NEGR1: variants seen among roughly 807,000 people sequenced by gnomAD.
NEGR1 encodes the protein neuronal growth regulator 1, also known as IgLON family member 4.
A neutral mutation model predicts 40.9 loss-of-function variants in NEGR1; 10 were observed. The ratio of observed to expected loss-of-function variants is 0.24; its 90% CI spans 0.15 to 0.42. The LOEUF is 0.42. Ranked by LOEUF, NEGR1 falls within the 10% of genes least tolerant of loss-of-function variation. The pLI, the probability that NEGR1 is intolerant of heterozygous loss-of-function variation, is 1.00. For missense variants in NEGR1, 352 were observed against 438.9 expected (o/e 0.80, Z 1.77); for synonymous variants, 185 against 166.8 (o/e 1.11, Z -0.84).
intron 6 of NEGR1, among the ~76,000 whole-genome samples, chr1:71,459,937 T>C (rs555471539): frequency 5.8e-4 from 88 of 152,190 alleles, no homozygotes; most frequent in Non-Finnish European, 9.3e-4. Flanking sequence ...CACAGTACCA[T>C]GTATTTATTC....
chr1:72,226,550 C>A (rs572559284), intron 1 of NEGR1, among the ~76,000 whole-genome samples: 26 of 151,970 alleles, frequency 1.7e-4, no homozygotes, highest in Non-Finnish European at 3.2e-4. Flanking sequence ...GGAGAACTTA[C>A]ATTTGACTTC....
At chr1:71,920,362 CT>C (rs986377995) in intron 2 of NEGR1, among the ~76,000 whole-genome samples, 3 of 152,148 alleles carry the variant, frequency 2.0e-5, no homozygotes, top group African/African-American at 7.2e-5. Flanking sequence ...CTCTGAATGA[CT>C]TACTATATAC....
intron 2 of NEGR1, among the ~76,000 whole-genome samples, chr1:71,819,082 T>C (rs1028843205): frequency 2.6e-5 from 4 of 151,968 alleles, no homozygotes; most frequent in African/African-American, 9.7e-5. Flanking sequence ...TAAAGAAAGC[T>C]GAGGCACAAT....
At chr1:71,992,945 T>G (rs557894578) in intron 1 of NEGR1, among the ~76,000 whole-genome samples, 90 of 152,328 alleles carry the variant, frequency 5.9e-4, no homozygotes, top group African/African-American at 2.0e-3. Flanking sequence ...TAAGGAAATA[T>G]GGGTTTTCCC....
At position 71,716,368 on chromosome 1, in the gene NEGR1, T is replaced by C. The variant is rs146253944; in HGVS notation, c.536-18229A>G. Reference sequence around the variant, plus strand: ...ATCATGAGCATCAAATGTAAAAATATGTAGAAAGCATTGTGGAAATACCAA... The same window carrying C: ...ATCATGAGCATCAAATGTAAAAATACGTAGAAAGCATTGTGGAAATACCAA... On this transcript the variant is annotated intron_variant, in intron 3 of 6. Transcript: ENST00000357731. Among the ~76,000 whole-genome samples the C allele has an allele frequency of 5.6e-3, 846 of 152,150 alleles. 6 individuals are homozygous for C. The highest frequency in any genetic ancestry group is 0.019 in the African/African-American group (798 of 41,510).
At chr1:72,200,441 C>T (rs189016613) in intron 1 of NEGR1, among the ~76,000 whole-genome samples, 5 of 152,062 alleles carry the variant, frequency 3.3e-5, no homozygotes, top group Admixed American at 3.3e-4. Flanking sequence ...TGCATGTTCT[C>T]ACTTACAGGT....
At chr1:72,044,000 C>T (rs2821278) in intron 1 of NEGR1, among the ~76,000 whole-genome samples, 44,795 of 151,530 alleles carry the variant, frequency 0.3, 7,694 homozygotes, top group African/African-American at 0.47. Flanking sequence ...ATTCAAAACA[C>T]TATCTTAAAA....
intron 3 of NEGR1, among the ~76,000 whole-genome samples, chr1:71,765,603 C>A (rs1656093354): frequency 6.6e-6 from 1 of 152,050 alleles, no homozygotes; most frequent in Non-Finnish European, 1.5e-5. Flanking sequence ...TTCATTTACT[C>A]CAATCTTCCA....
At chr1:72,112,756 A>G (rs1312103977) in intron 1 of NEGR1, among the ~76,000 whole-genome samples, 1 of 151,688 alleles carries the variant, frequency 6.6e-6, no homozygotes, top group Non-Finnish European at 1.5e-5. Flanking sequence ...TCTATTAAAA[A>G]TCATCATCCT....
intron 2 of NEGR1, among the ~76,000 whole-genome samples, chr1:71,876,287 G>A (rs1660427523): frequency 6.6e-6 from 1 of 152,066 alleles, no homozygotes; most frequent in African/African-American, 2.4e-5. Flanking sequence ...CAGGAAGGTG[G>A]ATCACTTGTG....
intron 4 of NEGR1, among the ~76,000 whole-genome samples, chr1:71,692,188 A>T (rs1334034123): frequency 6.6e-6 from 1 of 151,766 alleles, no homozygotes; most frequent in Non-Finnish European, 1.5e-5. Context: ...GATGTACCAA[A>T]GTGTATCATC....
chr1:71,550,603 C>A (rs1450052396), intron 6 of NEGR1, among the ~76,000 whole-genome samples: 1 of 151,526 alleles, frequency 6.6e-6, no homozygotes, highest in Non-Finnish European at 1.5e-5. Context: ...TACTTTCTTC[C>A]ATATACTACC....
Position 71,929,624 on chromosome 1 carries a change from G to T in NEGR1, c.409+5455C>A, listed in dbSNP as rs114239049. 2.8e-3 allele frequency among the ~76,000 whole-genome samples: 430 copies of T among 151,770 alleles called. 1 individual carries two copies. The highest frequency in any genetic ancestry group is 9.9e-3 in the African/African-American group (412 of 41,416). On this transcript the variant is annotated intron_variant, in intron 2 of 6. Coordinates refer to ENST00000357731, the MANE Select transcript of NEGR1 (RefSeq NM_173808.3). ...TGTTAGTGGCGATAATTTTTCTTTG[G>T]TTTCATTTTTTGACTTGTTGAAAAT...
chr1:71,425,689 C>G (rs1294320906), intron 6 of NEGR1, among the ~76,000 whole-genome samples: 1 of 152,086 alleles, frequency 6.6e-6, no homozygotes, highest in East Asian at 1.9e-4. Flanking sequence ...GAACACTTCT[C>G]AATGAATAAC....
chr1:71,627,434 C>A (rs77687181), intron 4 of NEGR1, among the ~76,000 whole-genome samples: 1 of 151,964 alleles, frequency 6.6e-6, no homozygotes, highest in African/African-American at 2.4e-5. Context: ...CTATGACTCC[C>A]ACCAATATAT....
At chr1:72,263,903 A>G (rs1043116773) in intron 1 of NEGR1, among the ~76,000 whole-genome samples, 2 of 151,488 alleles carry the variant, frequency 1.3e-5, no homozygotes, top group African/African-American at 4.8e-5. Context: ...TCTTATCCCT[A>G]TGTAGATTCA....
At chr1:71,969,117 C>A (rs573166124) in intron 1 of NEGR1, among the ~76,000 whole-genome samples, 1 of 151,882 alleles carries the variant, frequency 6.6e-6, no homozygotes, top group Non-Finnish European at 1.5e-5. Flanking sequence ...CAGGTTCAAG[C>A]GATTCTCCTG....
chr1:71,455,560 A>C (rs1032811567), intron 6 of NEGR1, among the ~76,000 whole-genome samples: 1 of 152,198 alleles, frequency 6.6e-6, no homozygotes, highest in Non-Finnish European at 1.5e-5. Context: ...CACCGTCTCT[A>C]CTAAAATACA....
intron 6 of NEGR1, among the ~76,000 whole-genome samples, chr1:71,501,369 T>A (rs1421039998): frequency 6.6e-6 from 1 of 152,154 alleles, no homozygotes; most frequent in Non-Finnish European, 1.5e-5. Context: ...GCAATATTTT[T>A]AAGATAATTT....
Sources: gnomAD v4.1 joint callset for allele counts (sites outside exome capture counted in the v4.1 genomes callset) on GRCh38, gnomAD v4.1.1 for gene constraint, MANE v1.5 for transcripts, NCBI Gene and HGNC (gene_info 2026-07-23, HGNC 2026-07-21) for gene names.